Variants in TLK1 observed in about 807,000 individuals in gnomAD.
TLK1 encodes serine/threonine-protein kinase tousled-like 1.
TLK1 carries 24 observed loss-of-function variants against 105.3 expected under a neutral mutation model. That is an observed-to-expected ratio of 0.23 (90% CI 0.17 to 0.32). TLK1 has a LOEUF of 0.32. TLK1 is among the 10% of genes least tolerant of loss of function. The pLI, the probability that TLK1 is intolerant of heterozygous loss-of-function variation, is 1.00. For missense variants in TLK1, 558 were observed against 910.5 expected (o/e 0.61, Z 4.98); for synonymous variants, 321 against 310.4 (o/e 1.03, Z -0.36).
chr2:171,182,878 T>C (rs1428231918), intron 1 of TLK1, among the ~76,000 whole-genome samples: 1 of 142,952 alleles, frequency 7.0e-6, no homozygotes, highest in Non-Finnish European at 1.5e-5. Context: ...GCTATGATTA[T>C]GCCACTGTAC....
chr2:171,176,880 T>C (rs1439231557), intron 1 of TLK1, among the ~76,000 whole-genome samples: 2 of 152,078 alleles, frequency 1.3e-5, no homozygotes, highest in Non-Finnish European at 2.9e-5. Flanking sequence ...TCACCCAGGC[T>C]GGAGTGCAGT....
intron 11 of TLK1, among the ~76,000 whole-genome samples, chr2:171,043,281 C>T (rs543637414): frequency 3.0e-4 from 45 of 152,086 alleles, no homozygotes; most frequent in Non-Finnish European, 5.9e-4. Flanking sequence ...CAGGAGGAAG[C>T]GATAACTACC....
At chr2:171,185,170 G>A (rs955176448) in intron 1 of TLK1, among the ~76,000 whole-genome samples, 1 of 151,984 alleles carries the variant, frequency 6.6e-6, no homozygotes, top group Admixed American at 6.6e-5. Context: ...GTTACTTTAT[G>A]TTTTTAAATG....
chr2:171,145,263 G>A (rs1452780597), intron 1 of TLK1, among the ~76,000 whole-genome samples: 1 of 151,846 alleles, frequency 6.6e-6, no homozygotes, highest in South Asian at 2.1e-4. Flanking sequence ...AGCCGAGATC[G>A]CACCACTGCG....
intron 1 of TLK1, among the ~76,000 whole-genome samples, chr2:171,176,025 C>T (rs1195634894): frequency 1.3e-5 from 2 of 152,100 alleles, no homozygotes; most frequent in African/African-American, 4.8e-5. Flanking sequence ...CAACCTCCAC[C>T]TCCTGGGTTC....
intron 1 of TLK1, among the ~76,000 whole-genome samples, chr2:171,144,051 A>G (rs1691696986): frequency 6.6e-6 from 1 of 152,190 alleles, no homozygotes; most frequent in African/African-American, 2.4e-5. Context: ...CTAGTATCAG[A>G]CAAACTTTTA....
intron 1 of TLK1, among the ~76,000 whole-genome samples, chr2:171,169,127 TC>T (rs1249958128): frequency 6.6e-6 from 1 of 152,130 alleles, no homozygotes; most frequent in African/African-American, 2.4e-5. Flanking sequence ...ATTCTGGGAA[TC>T]TATCTGGAAG....
At chr2:171,140,983 G>A (rs1691549587) in intron 1 of TLK1, among the ~76,000 whole-genome samples, 1 of 152,212 alleles carries the variant, frequency 6.6e-6, no homozygotes, top group South Asian at 2.1e-4. Flanking sequence ...CTCAGTGTAT[G>A]AGTCTGATGG....
At chr2:171,135,308 T>G (rs1236620023) in intron 1 of TLK1, among the ~76,000 whole-genome samples, 1 of 102,354 alleles carries the variant, frequency 9.8e-6, no homozygotes, top group African/African-American at 5.6e-5. Flanking sequence ...TGTGTTTGTG[T>G]GTGTGTGTGT....
chr2:171,042,560 T>C (rs541790258), intron 11 of TLK1, among the ~76,000 whole-genome samples: 115 of 152,294 alleles, frequency 7.6e-4, no homozygotes, highest in African/African-American at 2.6e-3. Flanking sequence ...TGCTTGTGTA[T>C]TGTAATTTAG....
chr2:171,160,725 C>G lies in TLK1; in HGVS notation c.-297G>C. ...CGGCGGCGGAGGCGTCGAGGGGGTG[C>G]CAGCCGGGCCGGGGTCGGAGCGCGG... On this transcript the variant is annotated 5_prime_UTR_variant, in exon 1 of 21. Transcript: ENST00000431350. This position sits in a 1 kb window ranked among gnomAD's most constrained non-coding sequence, Gnocchi z 4.4. The G allele has an allele frequency of 4.4e-6, 2 of 453,474 alleles. No homozygotes were observed. The highest frequency in any genetic ancestry group is 7.5e-6 in the Non-Finnish European group (2 of 265,716). The allele number at this position is 453,474 out of a possible 1,614,324, so 28.1% of individuals were successfully genotyped here.
chr2:171,039,863 G>C (rs1686570568), intron 11 of TLK1, among the ~76,000 whole-genome samples: 1 of 152,090 alleles, frequency 6.6e-6, no homozygotes, highest in African/African-American at 2.4e-5. Context: ...ACTACCAACA[G>C]ACCCCTTTGT....
intron 2 of TLK1, among the ~76,000 whole-genome samples, chr2:171,114,355 G>A (rs112719496): frequency 3.9e-5 from 6 of 152,270 alleles, no homozygotes; most frequent in African/African-American, 4.8e-5. Flanking sequence ...TTTGAACTGG[G>A]GAGATTATCC....
chr2:171,060,154 A>T (rs2676130), intron 4 of TLK1, among the ~76,000 whole-genome samples: 146,252 of 152,266 alleles, frequency 0.96, 70,531 homozygotes, highest in East Asian at 1. Context: ...AATCAGACAA[A>T]TCTGTAGATG....
intron 12 of TLK1, among the ~76,000 whole-genome samples, chr2:171,018,863 T>A (rs1421196718): frequency 1.3e-5 from 2 of 152,208 alleles, no homozygotes; most frequent in Admixed American, 6.5e-5. Flanking sequence ...GAGACATAAG[T>A]AAGAACAGAC....
At chr2:171,049,259 T>C (rs969186251) in intron 10 of TLK1, among the ~76,000 whole-genome samples, 3 of 152,194 alleles carry the variant, frequency 2.0e-5, no homozygotes, top group Non-Finnish European at 4.4e-5. Context: ...CCTGCATATA[T>C]ATTCCCTGAA....
intron 2 of TLK1, among the ~76,000 whole-genome samples, chr2:171,090,133 C>T (rs1050555749): frequency 4.6e-5 from 7 of 152,062 alleles, no homozygotes; most frequent in Non-Finnish European, 5.9e-5. Context: ...CACTGTTTTA[C>T]AGTTTTCAGT....
At chr2:171,046,901 T>C (rs544283291) in intron 10 of TLK1, among the ~76,000 whole-genome samples, 4 of 152,266 alleles carry the variant, frequency 2.6e-5, no homozygotes, top group African/African-American at 9.6e-5. Context: ...AAGGCAAATA[T>C]GAATTTAATG....
chr2:171,015,731 A>ACC (rs959700682), intron 12 of TLK1, among the ~76,000 whole-genome samples: 1 of 3,642 alleles, frequency 2.7e-4, no homozygotes, highest in African/African-American at 5.3e-4. Flanking sequence ...ACACACACAC[A>ACC]CCCACCCCTT....
Sources: allele counts gnomAD v4.1 joint callset (sites outside exome capture counted in the v4.1 genomes callset), GRCh38; gene constraint gnomAD v4.1.1; non-coding constraint Gnocchi (gnomAD v3.1); transcripts MANE v1.5; gene names NCBI Gene and HGNC (gene_info 2026-07-23, HGNC 2026-07-21).